Variants in USH2A observed in about 807,000 individuals in gnomAD.
The protein encoded by USH2A is Usher syndrome 2A (autosomal recessive, mild).
Under a neutral mutation model 538.9 loss-of-function variants are expected in USH2A, and 443 were observed. That is an observed-to-expected ratio of 0.82 (90% CI 0.76 to 0.89). The LOEUF is 0.89. Among genes scored for constraint, USH2A ranks in the 40% least tolerant of loss-of-function variants. USH2A has a pLI of 0.00. For missense variants in USH2A, 6,633 were observed against 6,324.8 expected (o/e 1.05, Z -1.65); for synonymous variants, 2,413 against 2,273.5 (o/e 1.06, Z -1.75).
At chr1:215,770,644 T>C (rs1464922091) in intron 55 of USH2A, among the ~76,000 whole-genome samples, 1 of 152,166 alleles carries the variant, frequency 6.6e-6, no homozygotes, top group Non-Finnish European at 1.5e-5. Flanking sequence ...CAAAAGTTTA[T>C]TGAGCATGTA....
At chr1:215,824,225 C>T (rs969263883) in intron 47 of USH2A, among the ~76,000 whole-genome samples, 1 of 152,058 alleles carries the variant, frequency 6.6e-6, no homozygotes, top group Non-Finnish European at 1.5e-5. Flanking sequence ...ACTCTTCTCT[C>T]CATTTCTTAT....
At chr1:215,941,785 T>C (rs1381695698) in intron 37 of USH2A, among the ~76,000 whole-genome samples, 7 of 152,148 alleles carry the variant, frequency 4.6e-5, no homozygotes, top group African/African-American at 1.4e-4. Flanking sequence ...TACTGGAAGA[T>C]ATATACTTGA....
At chr1:216,280,976 T>C (rs1571655090) in intron 11 of USH2A, among the ~76,000 whole-genome samples, 1 of 152,190 alleles carries the variant, frequency 6.6e-6, no homozygotes, top group East Asian at 1.9e-4. Flanking sequence ...AATTTTGCAG[T>C]TTATAATTCT....
At chr1:216,302,511 T>C (rs891808537) in intron 9 of USH2A, among the ~76,000 whole-genome samples, 2 of 152,126 alleles carry the variant, frequency 1.3e-5, no homozygotes, top group African/African-American at 2.4e-5. Context: ...TTCCCTTGGC[T>C]AGAAATTCTT....
intron 21 of USH2A, among the ~76,000 whole-genome samples, chr1:216,098,040 C>G (rs2032486840): frequency 6.6e-6 from 1 of 151,298 alleles, no homozygotes; most frequent in Non-Finnish European, 1.5e-5. Context: ...CATCTCCAGT[C>G]CTATGAATGA....
At chr1:215,903,440 T>C (rs369912707) in intron 38 of USH2A, among the ~76,000 whole-genome samples, 9 of 152,048 alleles carry the variant, frequency 5.9e-5, no homozygotes, top group African/African-American at 2.2e-4. Flanking sequence ...TTCTAAAGAC[T>C]GGAAGATGTT....
At chr1:216,148,513 C>T (rs1187698879) in intron 21 of USH2A, among the ~76,000 whole-genome samples, 1 of 152,094 alleles carries the variant, frequency 6.6e-6, no homozygotes, top group Non-Finnish European at 1.5e-5. Flanking sequence ...AACCTAATCA[C>T]CCTTACCCCA....
chr1:215,862,645 T>C (rs1292360561), intron 44 of USH2A, among the ~76,000 whole-genome samples: 2 of 152,230 alleles, frequency 1.3e-5, no homozygotes, highest in Non-Finnish European at 2.9e-5. Context: ...TCCCCTTTTA[T>C]ATATTATATA....
At chr1:215,775,302 AG>A (rs1661430877) in intron 55 of USH2A, among the ~76,000 whole-genome samples, 1 of 152,170 alleles carries the variant, frequency 6.6e-6, no homozygotes, top group Non-Finnish European at 1.5e-5. Flanking sequence ...TTTCTGAACA[AG>A]GGGCCTGAAT....
At chr1:215,980,851 C>T (rs1193274522) in intron 35 of USH2A, among the ~76,000 whole-genome samples, 1 of 152,058 alleles carries the variant, frequency 6.6e-6, no homozygotes, top group Non-Finnish European at 1.5e-5. Flanking sequence ...ATTTATTCTA[C>T]TCTTGATAGA....
At chr1:215,872,176 A>T (rs1350487882) in intron 43 of USH2A, among the ~76,000 whole-genome samples, 1 of 152,238 alleles carries the variant, frequency 6.6e-6, no homozygotes, top group Non-Finnish European at 1.5e-5. Context: ...CTCATAAATC[A>T]TACTTTTCCT....
intron 61 of USH2A, among the ~76,000 whole-genome samples, chr1:215,712,277 A>G (rs1055569667): frequency 6.6e-5 from 10 of 152,356 alleles, no homozygotes; most frequent in African/African-American, 2.4e-4. Context: ...TGATTAGGTA[A>G]GGAGGATGAT....
chr1:215,650,817 A>C lies in USH2A; in HGVS notation c.14134-16T>G. Reference sequence around the variant, plus strand: ...CTGCCCAGACCTCCAAAGAGAAATCAACAAGACTGTCAAAAGCAAGATACC... The same window carrying C: ...CTGCCCAGACCTCCAAAGAGAAATCCACAAGACTGTCAAAAGCAAGATACC... On this transcript the variant is annotated splice_polypyrimidine_tract_variant and intron_variant, in intron 64 of 71. Transcript: ENST00000307340. 1 of 1,613,228 alleles carries C rather than the reference A, an allele frequency of 6.2e-7. No individual in the cohort carries two copies. Among genetic ancestry groups the C allele is most frequent in the South Asian group, 1.1e-5 (1 of 91,022 alleles).
intron 38 of USH2A, among the ~76,000 whole-genome samples, chr1:215,908,053 G>T (rs1170517564): frequency 6.6e-6 from 1 of 151,944 alleles, no homozygotes; most frequent in Non-Finnish European, 1.5e-5. Flanking sequence ...AATGAAATCT[G>T]AAATACTACT....
At chr1:215,696,675 G>A (rs547470286) in intron 61 of USH2A, among the ~76,000 whole-genome samples, 6 of 152,210 alleles carry the variant, frequency 3.9e-5, no homozygotes, top group Admixed American at 6.5e-5. Flanking sequence ...AAGAGTTAGC[G>A]GATACAGACT....
At chr1:216,415,354 G>A (rs2039558732) in intron 3 of USH2A, among the ~76,000 whole-genome samples, 1 of 151,984 alleles carries the variant, frequency 6.6e-6, no homozygotes, top group Non-Finnish European at 1.5e-5. Flanking sequence ...ACTGTGCCCA[G>A]CTTCCATTAC....
chr1:216,398,303 A>G (rs889736607), intron 3 of USH2A, among the ~76,000 whole-genome samples: 1 of 152,184 alleles, frequency 6.6e-6, no homozygotes, highest in Admixed American at 6.5e-5. Flanking sequence ...AAAAAAAATT[A>G]GGAATCTGAG....
chr1:216,254,059 C>A (rs770630722), intron 11 of USH2A, among the ~76,000 whole-genome samples: 1 of 151,962 alleles, frequency 6.6e-6, no homozygotes, highest in African/African-American at 2.4e-5. Context: ...TAAGTCTTAT[C>A]GAGATATTTT....
chr1:215,900,073 A>G lies in USH2A; in HGVS notation c.7594+2T>C. 1 of 1,613,658 alleles carries G rather than the reference A, an allele frequency of 6.2e-7. No homozygotes were observed. The highest frequency in any genetic ancestry group is 1.1e-5 in the South Asian group (1 of 91,086). The stretch of plus-strand genomic sequence containing the variant: ...TGGCTGTGTATTGTTCAGACCACTT[A>G]CTGTCCTCTGCGGTCATGAATGGAA... On this transcript the variant is annotated splice_donor_variant, in intron 40 of 71. Transcript: ENST00000307340. LOFTEE classifies it high-confidence loss of function.
Sources: allele counts gnomAD v4.1 joint callset (sites outside exome capture counted in the v4.1 genomes callset), GRCh38; gene constraint gnomAD v4.1.1; transcripts MANE v1.5; gene names NCBI Gene and HGNC (gene_info 2026-07-23, HGNC 2026-07-21).